Variants in ATP10B observed in about 807,000 individuals in gnomAD.
The protein encoded by ATP10B is phospholipid-transporting ATPase VB.
ATP10B carries 122 observed loss-of-function variants against 141.2 expected under a neutral mutation model. The observed-to-expected ratio is 0.86, with a 90% CI of 0.75 to 1.00. The LOEUF is 1.00. Ranked by LOEUF, ATP10B falls within the 50% of genes least tolerant of loss-of-function variation. ATP10B has a pLI of 0.00. For synonymous variants in ATP10B, 685 were observed against 692.0 expected (o/e 0.99, Z 0.16); for missense variants, 1,876 against 1,825.3 (o/e 1.03, Z -0.51).
chr5:160,813,760 G>A (rs185923795), intron 1 of ATP10B, among the ~76,000 whole-genome samples: 70 of 152,252 alleles, frequency 4.6e-4, no homozygotes, highest in African/African-American at 6.5e-4. Context: ...CACCTCACAC[G>A]GCAGGGTACT....
intron 2 of ATP10B, among the ~76,000 whole-genome samples, chr5:160,727,850 A>G (rs973565637): frequency 6.6e-6 from 1 of 152,218 alleles, no homozygotes; most frequent in South Asian, 2.1e-4. Flanking sequence ...AAAAGGCCTC[A>G]GGCATCTCCA....
At chr5:160,880,182 AAAT>A in the ATP10B span, among the ~76,000 whole-genome samples, 1 of 146,560 alleles carries the variant, frequency 6.8e-6, no homozygotes, top group Non-Finnish European at 1.5e-5. Flanking sequence ...TATATAATGT[AAAT>A]ATTTTTATAT....
intron 1 of ATP10B, among the ~76,000 whole-genome samples, chr5:160,814,798 T>C (rs571341470): frequency 2.2e-5 from 3 of 137,116 alleles, no homozygotes; most frequent in South Asian, 2.3e-4. Flanking sequence ...CAGCAGAAAC[T>C]CTACAAGCCA....
chr5:160,813,033 C>T (rs1215913591), intron 1 of ATP10B, among the ~76,000 whole-genome samples: 1 of 152,180 alleles, frequency 6.6e-6, no homozygotes, highest in African/African-American at 2.4e-5. Flanking sequence ...AGGAACAGCT[C>T]CAGTCTACAG....
chr5:160,807,867 C>T (rs1013175232), intron 1 of ATP10B, among the ~76,000 whole-genome samples: 1 of 152,088 alleles, frequency 6.6e-6, no homozygotes, highest in African/African-American at 2.4e-5. Context: ...AATGGGCTAC[C>T]CTGCTCTCAC....
intron 7 of ATP10B, among the ~76,000 whole-genome samples, chr5:160,659,420 G>A (rs1048727237): frequency 5.3e-5 from 8 of 152,048 alleles, no homozygotes; most frequent in African/African-American, 1.7e-4. Context: ...AGCTGAGATC[G>A]CGCCATTGCA....
intron 3 of ATP10B, among the ~76,000 whole-genome samples, chr5:160,697,133 T>C (rs759727914): frequency 2.0e-5 from 3 of 152,246 alleles, no homozygotes; most frequent in Non-Finnish European, 4.4e-5. Context: ...TTAGTGTTTA[T>C]TTACTTACAC....
chr5:160,630,358 C>T (rs748246866), intron 13 of ATP10B, among the ~76,000 whole-genome samples: 2 of 152,172 alleles, frequency 1.3e-5, no homozygotes, highest in East Asian at 3.9e-4. Context: ...CCAAGATTTA[C>T]TGCCTGGACC....
chr5:160,895,590 A>C, the ATP10B span, among the ~76,000 whole-genome samples: 1 of 152,194 alleles, frequency 6.6e-6, no homozygotes, highest in Admixed American at 6.5e-5. Context: ...ACTCCCACAC[A>C]ATAATAGTGG....
the ATP10B span, among the ~76,000 whole-genome samples, chr5:160,864,232 T>C: frequency 6.6e-6 from 1 of 151,844 alleles, no homozygotes; most frequent in African/African-American, 2.4e-5. Context: ...TATTACATCA[T>C]GATCAAGTGT....
At chr5:160,745,530 T>G (rs1232332059) in intron 2 of ATP10B, among the ~76,000 whole-genome samples, 2 of 152,244 alleles carry the variant, frequency 1.3e-5, no homozygotes, top group African/African-American at 4.8e-5. Flanking sequence ...TCATTAAAAC[T>G]TGTTAAGAAT....
chr5:160,746,133 C>T (rs1441694115), intron 2 of ATP10B, among the ~76,000 whole-genome samples: 1 of 152,134 alleles, frequency 6.6e-6, no homozygotes, highest in Non-Finnish European at 1.5e-5. Context: ...ACATTCAAGC[C>T]AGGATTCCAG....
intron 1 of ATP10B, among the ~76,000 whole-genome samples, chr5:160,838,359 A>T (rs948379837): frequency 6.6e-6 from 1 of 152,206 alleles, no homozygotes; most frequent in African/African-American, 2.4e-5. Flanking sequence ...GAAAGAATCT[A>T]GAGAAAAACT....
intron 1 of ATP10B, among the ~76,000 whole-genome samples, chr5:160,845,250 T>A (rs533659496): frequency 6.6e-6 from 1 of 152,310 alleles, no homozygotes; most frequent in South Asian, 2.1e-4. Flanking sequence ...TGTGGTACCC[T>A]GGGATGCTTT....
chr5:160,586,575 C>T (rs1427774611), intron 24 of ATP10B, among the ~76,000 whole-genome samples: 1 of 152,226 alleles, frequency 6.6e-6, no homozygotes, highest in Non-Finnish European at 1.5e-5. Flanking sequence ...AATGGTTGAA[C>T]TAATTTACAT....
At chr5:160,814,146 A>G (rs1773402345) in intron 1 of ATP10B, among the ~76,000 whole-genome samples, 3 of 152,186 alleles carry the variant, frequency 2.0e-5, no homozygotes, top group Admixed American at 1.3e-4. Flanking sequence ...TGACTTTGAC[A>G]AGTTGAGAGA....
At chr5:160,717,117 T>G in intron 2 of ATP10B, 83 bp from the exon 3 acceptor site, 1 of 873,312 alleles carries the variant, frequency 1.1e-6, no homozygotes, top group Non-Finnish European at 1.4e-6. Flanking sequence ...AAAACAATGC[T>G]ACATATTCTT....
intron 2 of ATP10B, among the ~76,000 whole-genome samples, chr5:160,734,754 G>T (rs900663889): frequency 1.3e-5 from 2 of 151,896 alleles, no homozygotes; most frequent in Non-Finnish European, 2.9e-5. Flanking sequence ...TAACAAAATA[G>T]TAGACTAAGA....
At chr5:160,584,650 C>T (rs993771936) in intron 24 of ATP10B, among the ~76,000 whole-genome samples, 2 of 152,092 alleles carry the variant, frequency 1.3e-5, no homozygotes, top group African/African-American at 4.8e-5. Flanking sequence ...ATTCTTCTAT[C>T]CACTATGAAG....
Sources: allele counts gnomAD v4.1 joint callset (sites outside exome capture counted in the v4.1 genomes callset), GRCh38; gene constraint gnomAD v4.1.1; transcripts MANE v1.5; gene names NCBI Gene and HGNC (gene_info 2026-07-23, HGNC 2026-07-21).